TSHZ2: variants seen among roughly 807,000 people sequenced by gnomAD.
TSHZ2 encodes the protein teashirt zinc finger homeobox 2, also known as teashirt homolog 2.
In TSHZ2, 21 loss-of-function variants were observed where a neutral mutation model predicts 74.4. The ratio of observed to expected loss-of-function variants is 0.28; its 90% CI spans 0.20 to 0.41. The LOEUF is 0.41. Among genes scored for constraint, TSHZ2 ranks in the 10% least tolerant of loss-of-function variants. The pLI, the probability that TSHZ2 is intolerant of heterozygous loss-of-function variation, is 1.00. For missense variants in TSHZ2, 1,244 were observed against 1,293.5 expected (o/e 0.96, Z 0.59); for synonymous variants, 540 against 515.3 (o/e 1.05, Z -0.65).
At chr20:53,285,284 G>C (rs1991143406) in intron 2 of TSHZ2, among the ~76,000 whole-genome samples, 1 of 152,214 alleles carries the variant, frequency 6.6e-6, no homozygotes, top group South Asian at 2.1e-4. Flanking sequence ...GTTTGGATAG[G>C]AGTCTCTTCT....
intron 1 of TSHZ2, among the ~76,000 whole-genome samples, chr20:53,146,214 T>G (rs914880512): frequency 7.0e-6 from 1 of 143,328 alleles, no homozygotes; most frequent in African/African-American, 2.5e-5. Flanking sequence ...CAAAGTGAAC[T>G]CAAATCATCA....
intron 2 of TSHZ2, among the ~76,000 whole-genome samples, chr20:53,323,697 T>C (rs1979377046): frequency 6.8e-6 from 1 of 147,108 alleles, no homozygotes; most frequent in Admixed American, 7.0e-5. Context: ...TGCCTCACCC[T>C]CCTGAGTAGC....
intron 2 of TSHZ2, among the ~76,000 whole-genome samples, chr20:53,334,217 C>T (rs191792404): frequency 2.0e-5 from 3 of 152,048 alleles, no homozygotes; most frequent in African/African-American, 7.2e-5. Context: ...GATAGTAAGC[C>T]CTGAGAAAAA....
intron 2 of TSHZ2, among the ~76,000 whole-genome samples, chr20:53,305,363 C>T (rs1978486939): frequency 6.6e-6 from 1 of 152,176 alleles, no homozygotes; most frequent in Non-Finnish European, 1.5e-5. Context: ...CGGTAGAAGG[C>T]ACAGTCAGCT....
intron 2 of TSHZ2, among the ~76,000 whole-genome samples, chr20:53,469,334 A>G (rs889658963): frequency 6.6e-6 from 1 of 151,870 alleles, no homozygotes; most frequent in East Asian, 2.0e-4. Flanking sequence ...ACTTGAGGTC[A>G]GAAGTTCAAG....
intron 2 of TSHZ2, among the ~76,000 whole-genome samples, chr20:53,296,917 G>A (rs1251776053): frequency 1.3e-5 from 2 of 152,202 alleles, no homozygotes; most frequent in Non-Finnish European, 2.9e-5. Flanking sequence ...CAGATGGAAT[G>A]AATGAAGTAG....
intron 1 of TSHZ2, among the ~76,000 whole-genome samples, chr20:53,104,031 G>A (rs913186779): frequency 2.0e-5 from 3 of 152,304 alleles, no homozygotes; most frequent in Non-Finnish European, 4.4e-5. Context: ...CAGCCAGTGT[G>A]GAAAGGTTGC....
In TSHZ2 at chr20:53,489,466, G is replaced by T; in HGVS notation, c.*2331G>T. 1 of 298,288 alleles carries T rather than the reference G, an allele frequency of 3.4e-6. No homozygotes were observed. The highest frequency in any genetic ancestry group is 6.6e-6 in the Non-Finnish European group (1 of 152,226). The allele number at this position is 298,288 out of a possible 1,614,324, so 18.5% of individuals were successfully genotyped here. ...TTAAAAATTGTCTGCTCCAATCCAG[G>T]GTTATTAGGCCAAAGTTACATAATT... On this transcript the variant is annotated 3_prime_UTR_variant, in exon 3 of 3. Transcript: ENST00000371497.
At chr20:53,313,192 TA>T (rs1978862707) in intron 2 of TSHZ2, among the ~76,000 whole-genome samples, 1 of 152,214 alleles carries the variant, frequency 6.6e-6, no homozygotes, top group South Asian at 2.1e-4. Flanking sequence ...ATTTTGCAAA[TA>T]CAGCAATGCC....
At position 53,207,333 on chromosome 20, in the gene TSHZ2, G is replaced by T. The variant is rs111778584; in HGVS notation, c.41-46166G>T. ...GGGAGTTGTTGTTTTTTTCAGGGGT[G>T]GGGGGCACTTAACATCTTATTTTGC... On this transcript the variant is annotated intron_variant, in intron 1 of 2. Coordinates refer to ENST00000371497, the MANE Select transcript of TSHZ2 (RefSeq NM_173485.6). 5.9e-3 allele frequency among the ~76,000 whole-genome samples: 902 copies of T among 152,126 alleles called. 13 individuals carry two copies. Among genetic ancestry groups the T allele is most frequent in the African/African-American group, 0.021 (860 of 41,486 alleles).
At chr20:53,398,079 T>C (rs1424098094) in intron 2 of TSHZ2, 1 of 152,234 alleles carries the variant, frequency 6.6e-6, no homozygotes. Context: ...TATATACATA[T>C]GTAACAAACC....
At chr20:53,018,497 C>T (rs1983121604) in intron 1 of TSHZ2, among the ~76,000 whole-genome samples, 1 of 152,140 alleles carries the variant, frequency 6.6e-6, no homozygotes, top group Non-Finnish European at 1.5e-5. Context: ...GAGGGCAGGA[C>T]AGCAGATAAC....
intron 2 of TSHZ2, among the ~76,000 whole-genome samples, chr20:53,328,899 T>C (rs1979602927): frequency 1.3e-5 from 2 of 152,320 alleles, no homozygotes; most frequent in African/African-American, 2.4e-5. Flanking sequence ...ATAGATACTT[T>C]AGAAATGTTA....
At chr20:53,052,272 G>C (rs964619967) in intron 1 of TSHZ2, among the ~76,000 whole-genome samples, 12 of 152,084 alleles carry the variant, frequency 7.9e-5, no homozygotes, top group African/African-American at 2.9e-4. Flanking sequence ...CTTAGCACAG[G>C]GGTCCTCAAC....
intron 1 of TSHZ2, among the ~76,000 whole-genome samples, chr20:53,199,975 A>G (rs995507081): frequency 3.9e-5 from 6 of 152,200 alleles, no homozygotes; most frequent in African/African-American, 1.4e-4. Context: ...CCTTGCAGCT[A>G]TGGTTCTTGG....
intron 2 of TSHZ2, among the ~76,000 whole-genome samples, chr20:53,469,722 A>AAGGG (rs1388299522): frequency 8.2e-6 from 1 of 121,336 alleles, no homozygotes. Flanking sequence ...GAGAGGGAGG[A>AAGGG]AGGGAGGGAG....
At chr20:53,085,251 G>A (rs796864466) in intron 1 of TSHZ2, among the ~76,000 whole-genome samples, 2 of 152,172 alleles carry the variant, frequency 1.3e-5, no homozygotes, top group African/African-American at 4.8e-5. Flanking sequence ...TATAATCCCA[G>A]CTACTCGGGA....
chr20:53,274,653 G>A (rs1600783149), intron 2 of TSHZ2, among the ~76,000 whole-genome samples: 1 of 152,232 alleles, frequency 6.6e-6, no homozygotes, highest in African/African-American at 2.4e-5. Context: ...ACCACTTGAT[G>A]CTGGAGCAGA....
intron 1 of TSHZ2, among the ~76,000 whole-genome samples, chr20:53,139,642 G>T (rs1008096424): frequency 3.3e-5 from 5 of 152,194 alleles, no homozygotes; most frequent in African/African-American, 1.2e-4. Flanking sequence ...CAGATAGAGG[G>T]CTAGCAGAGT....
Sources: allele counts gnomAD v4.1 joint callset (sites outside exome capture counted in the v4.1 genomes callset), GRCh38; gene constraint gnomAD v4.1.1; transcripts MANE v1.5; gene names NCBI Gene and HGNC (gene_info 2026-07-23, HGNC 2026-07-21).